The following AP3B1 variants were observed in gnomAD, a reference collection of about 807,000 sequenced individuals.
AP3B1 encodes the protein AP-3 complex subunit beta-1.
Under a neutral mutation model 132.5 loss-of-function variants are expected in AP3B1, and 61 were observed. The observed-to-expected ratio is 0.46, with a 90% confidence interval of 0.37 to 0.57. The LOEUF (loss-of-function observed/expected upper bound fraction) is 0.57. AP3B1 is among the 20% of genes least tolerant of loss of function. The probability of loss-of-function intolerance (pLI) is 0.00; values close to 1 mark genes in which losing one functional copy is unlikely to be tolerated. For missense variants in AP3B1, 1,120 were observed against 1,289.4 expected (o/e 0.87, Z 2.01); for synonymous variants, 388 against 438.3 (o/e 0.89, Z 1.43).
At chr5:78,047,552 A>AT (rs922866988) in intron 22 of AP3B1, among the ~76,000 whole-genome samples, 3 of 151,672 alleles carry the variant, frequency 2.0e-5, no homozygotes, top group Middle Eastern at 3.4e-3. Flanking sequence ...GGGTTGTTTG[A>AT]TTTTTTTTCT....
At chr5:78,258,625 G>A (rs183705779) in intron 2 of AP3B1, among the ~76,000 whole-genome samples, 17 of 152,176 alleles carry the variant, frequency 1.1e-4, no homozygotes, top group Admixed American at 3.3e-4. Flanking sequence ...ATGGAAAACA[G>A]TTTAGAGGTT....
At chr5:78,110,164 A>G (rs1048711692) in intron 20 of AP3B1, 43 bp downstream of exon 20, 10 of 1,544,342 alleles carry the variant, frequency 6.5e-6, no homozygotes, top group Non-Finnish European at 8.9e-6. Flanking sequence ...TAGTTGCTAT[A>G]AGAATATTTA....
chr5:78,023,861 A>G (rs903711275), intron 24 of AP3B1, among the ~76,000 whole-genome samples: 5 of 152,252 alleles, frequency 3.3e-5, no homozygotes, highest in African/African-American at 9.6e-5. Context: ...AGGAACAGAA[A>G]GCAGAAGCTT....
intron 13 of AP3B1, among the ~76,000 whole-genome samples, chr5:78,157,397 C>T (rs1372706723): frequency 1.3e-5 from 2 of 152,174 alleles, no homozygotes; most frequent in African/African-American, 4.8e-5. Flanking sequence ...CTGTTTCTTG[C>T]CAGAGCCTTA....
intron 7 of AP3B1, among the ~76,000 whole-genome samples, chr5:78,203,441 G>A (rs1745377729): frequency 6.6e-6 from 1 of 152,020 alleles, no homozygotes; most frequent in Admixed American, 6.6e-5. Flanking sequence ...AACAGTAGGG[G>A]GAAAACTGCC....
chr5:78,125,939 C>A (rs1456117301), intron 17 of AP3B1, among the ~76,000 whole-genome samples: 1 of 151,948 alleles, frequency 6.6e-6, no homozygotes, highest in Non-Finnish European at 1.5e-5. Flanking sequence ...ACTGCTGAGA[C>A]CAAATTAAAT....
chr5:78,019,485 T>A (rs545404784), intron 25 of AP3B1, among the ~76,000 whole-genome samples: 1 of 152,110 alleles, frequency 6.6e-6, no homozygotes, highest in African/African-American at 2.4e-5. Flanking sequence ...GCTGAGCAGA[T>A]GTAAAGCAGA....
chr5:78,231,320 C>T (rs1230034072), intron 3 of AP3B1, among the ~76,000 whole-genome samples: 3 of 151,848 alleles, frequency 2.0e-5, no homozygotes, highest in African/African-American at 4.8e-5. Context: ...ATTACAGGCA[C>T]GCACCACCAC....
chr5:78,241,041 T>C (rs1042635973), intron 2 of AP3B1, 105 bp from the exon 3 acceptor site: 10 of 780,692 alleles, frequency 1.3e-5, no homozygotes, highest in Admixed American at 2.0e-5. Context: ...GAACTCTTTT[T>C]GAATCATCTT....
intron 8 of AP3B1, among the ~76,000 whole-genome samples, chr5:78,180,124 A>T (rs924814849): frequency 4.6e-5 from 7 of 152,254 alleles, no homozygotes; most frequent in Admixed American, 6.5e-5. Flanking sequence ...AAATATAAGC[A>T]TATTTTACAA....
intron 14 of AP3B1, among the ~76,000 whole-genome samples, chr5:78,149,283 G>A (rs1363013155): frequency 2.0e-5 from 3 of 152,172 alleles, no homozygotes; most frequent in Non-Finnish European, 4.4e-5. Flanking sequence ...TAAGAAAGCA[G>A]ACCTGCTGCT....
intron 3 of AP3B1, among the ~76,000 whole-genome samples, chr5:78,234,578 TG>T (rs1227746749): frequency 6.6e-6 from 1 of 152,220 alleles, no homozygotes; most frequent in African/African-American, 2.4e-5. Flanking sequence ...TATCAGCAGT[TG>T]ATTAACAACA....
chr5:78,237,410 C>T (rs1193568133), intron 3 of AP3B1, among the ~76,000 whole-genome samples: 2 of 152,126 alleles, frequency 1.3e-5, no homozygotes, highest in Non-Finnish European at 2.9e-5. Flanking sequence ...AGGAGGATCA[C>T]TTGAGCCCAG....
intron 21 of AP3B1, among the ~76,000 whole-genome samples, chr5:78,090,689 TTGG>T (rs1260094359): frequency 3.9e-5 from 6 of 152,284 alleles, no homozygotes; most frequent in African/African-American, 1.4e-4. Context: ...ACATTAATTT[TTGG>T]TGTTTCTAAA....
At chr5:78,111,046 C>A (rs942595240) in intron 19 of AP3B1, among the ~76,000 whole-genome samples, 2 of 152,074 alleles carry the variant, frequency 1.3e-5, no homozygotes, top group Non-Finnish European at 2.9e-5. Context: ...GCTTGAGCCA[C>A]CACACCTGGT....
chr5:78,089,033 G>A, intron 22 of AP3B1: 1 of 168,306 alleles, frequency 5.9e-6, no homozygotes, highest in Non-Finnish European at 1.3e-5. Context: ...AAATAGTGTG[G>A]TAGGAATAAA....
intron 2 of AP3B1, among the ~76,000 whole-genome samples, chr5:78,247,568 CTTT>C (rs1322347749): frequency 6.6e-6 from 1 of 151,130 alleles, no homozygotes; most frequent in Non-Finnish European, 1.5e-5. Flanking sequence ...ATTATTATGT[CTTT>C]TTGGGAAAAT....
At chr5:78,014,753 TA>T (rs1746786420) in intron 26 of AP3B1, among the ~76,000 whole-genome samples, 1 of 152,190 alleles carries the variant, frequency 6.6e-6, no homozygotes, top group Non-Finnish European at 1.5e-5. Context: ...ACCAAATGGA[TA>T]AGAGATAATT....
At chr5:78,145,876 T>C (rs1251871112) in intron 14 of AP3B1, among the ~76,000 whole-genome samples, 2 of 152,168 alleles carry the variant, frequency 1.3e-5, no homozygotes, top group Non-Finnish European at 2.9e-5. Flanking sequence ...TTCTCTCTCC[T>C]TCCAGAAGAA....
Sources: gnomAD v4.1 joint callset for allele counts (sites outside exome capture counted in the v4.1 genomes callset) on GRCh38, gnomAD v4.1.1 for gene constraint, MANE v1.5 for transcripts, NCBI Gene and HGNC (gene_info 2026-07-23, HGNC 2026-07-21) for gene names.